The following THNSL1 variants were observed in gnomAD, a reference collection of about 807,000 sequenced individuals.
THNSL1 encodes the protein threonine synthase-like 1.
THNSL1 carries 48 observed loss-of-function variants against 50.4 expected under a neutral mutation model. The observed-to-expected ratio is 0.95, with a 90% CI of 0.76 to 1.21. The LOEUF (loss-of-function observed/expected upper bound fraction) is 1.21, where lower values mean the gene tolerates loss of function less well. THNSL1 is among the 50% of genes most tolerant of loss of function. The pLI is 0.00. For synonymous variants in THNSL1, 309 were observed against 306.1 expected (o/e 1.01, Z -0.10); for missense variants, 896 against 871.7 (o/e 1.03, Z -0.35).
At chr10:24,955,496 C>T in the THNSL1 span, among the ~76,000 whole-genome samples, 1 of 152,144 alleles carries the variant, frequency 6.6e-6, no homozygotes, top group Admixed American at 6.5e-5. Flanking sequence ...TTCTCTACTG[C>T]ATATGATGAT....
At chr10:24,952,451 A>C in the THNSL1 span, 10 of 1,473,970 alleles carry the variant, frequency 6.8e-6, no homozygotes, top group South Asian at 1.2e-5. The surrounding 1 kb of genome is among the most constrained non-coding windows in gnomAD (Gnocchi z 5.1). Context: ...GACGCACGGC[A>C]AGCATTTAAT....
chr10:24,994,450 T>C, the THNSL1 span, among the ~76,000 whole-genome samples: 1 of 151,554 alleles, frequency 6.6e-6, no homozygotes, highest in African/African-American at 2.4e-5. Context: ...TCTCGTGCCT[T>C]AGCCACCCGA....
the THNSL1 span, chr10:24,990,632 A>G: frequency 6.3e-7 from 1 of 1,586,202 alleles, no homozygotes; most frequent in South Asian, 1.2e-5. Flanking sequence ...TGCAGAAAAA[A>G]GTAATCAATA....
the THNSL1 span, among the ~76,000 whole-genome samples, chr10:24,954,542 ATCT>A: frequency 7.2e-5 from 11 of 152,120 alleles, no homozygotes; most frequent in Non-Finnish European, 1.3e-4. Context: ...TGGTAGATAA[ATCT>A]TCTTCCCTTA....
chr10:25,016,356 G>GT (rs2132732421), upstream of THNSL1, among the ~76,000 whole-genome samples: 1 of 152,336 alleles, frequency 6.6e-6, no homozygotes, highest in African/African-American at 2.4e-5. Context: ...CTATTTCTGT[G>GT]TATCTGGGGA....
the THNSL1 span, among the ~76,000 whole-genome samples, chr10:25,010,406 T>C: frequency 1.3e-5 from 2 of 152,136 alleles, no homozygotes; most frequent in African/African-American, 2.4e-5. Flanking sequence ...CAGTTTTATG[T>C]ATTCACAAAG....
Position 25,025,569 on chromosome 10 carries a change from T to G in THNSL1, c.*114T>G, listed in dbSNP as rs1850834114. 4 of 1,053,954 alleles carry G rather than the reference T, an allele frequency of 3.8e-6. No individual in the cohort carries two copies. In the South Asian group the frequency reaches 6.9e-5, roughly 18 times the overall value. 65.3% of individuals were successfully genotyped at this position (1,053,954 alleles called of 1,614,324 possible). ...TTTATGTAAATATCTCTATATCTGT[T>G]TGGAATTTCAAAAGTCTGATCTCTA... On this transcript the variant is annotated 3_prime_UTR_variant, in exon 3 of 3. Coordinates refer to ENST00000376356, the MANE Select transcript of THNSL1 (RefSeq NM_024838.5).
the THNSL1 span, among the ~76,000 whole-genome samples, chr10:24,994,268 C>A: frequency 2.7e-5 from 4 of 149,796 alleles, no homozygotes; most frequent in South Asian, 2.1e-4. Context: ...TCCTTCCTTC[C>A]TTTCCTTTCT....
the THNSL1 span, chr10:24,982,684 T>C: frequency 1.1e-3 from 167 of 152,066 alleles, no homozygotes; most frequent in African/African-American, 3.9e-3. Flanking sequence ...TTGGGGGAGG[T>C]TGAACTGGCT....
At chr10:25,004,901 G>A in the THNSL1 span, among the ~76,000 whole-genome samples, 1 of 152,048 alleles carries the variant, frequency 6.6e-6, no homozygotes, top group African/African-American at 2.4e-5. Context: ...TGGGTTTTAC[G>A]TTTAAGTCTT....
At chr10:24,955,586 T>G in the THNSL1 span, among the ~76,000 whole-genome samples, 4 of 152,210 alleles carry the variant, frequency 2.6e-5, no homozygotes, top group Non-Finnish European at 5.9e-5. Flanking sequence ...CCTGACATGC[T>G]GTAAAAATGT....
At chr10:24,974,281 A>T in the THNSL1 span, among the ~76,000 whole-genome samples, 1 of 139,174 alleles carries the variant, frequency 7.2e-6, no homozygotes, top group Non-Finnish European at 1.5e-5. Flanking sequence ...GTGATTTTTA[A>T]AAAAAAATCT....
chr10:24,954,232 G>A, the THNSL1 span, among the ~76,000 whole-genome samples: 1 of 152,184 alleles, frequency 6.6e-6, no homozygotes, highest in African/African-American at 2.4e-5. Flanking sequence ...CTCCTGGGGA[G>A]CTGGTTAATG....
intron 2 of THNSL1, 58 bp from the exon 3 acceptor site, chr10:25,023,118 T>A: frequency 9.3e-7 from 1 of 1,079,966 alleles, no homozygotes; most frequent in Non-Finnish European, 1.3e-6. Flanking sequence ...AACAATCTAC[T>A]GTAATTAGTA....
the THNSL1 span, among the ~76,000 whole-genome samples, chr10:24,973,082 GC>G: frequency 1.3e-5 from 2 of 152,088 alleles, no homozygotes; most frequent in African/African-American, 2.4e-5. Flanking sequence ...TTCATTCTTA[GC>G]ATAGATCTTA....
intron 1 of THNSL1, among the ~76,000 whole-genome samples, chr10:25,018,157 TG>T (rs1850646578): frequency 1.3e-5 from 2 of 152,228 alleles, no homozygotes; most frequent in Non-Finnish European, 2.9e-5. Flanking sequence ...GACCTCACTG[TG>T]GTATAGTTAG....
chr10:25,019,094 G>A (rs1258621125), intron 1 of THNSL1, among the ~76,000 whole-genome samples: 1 of 152,124 alleles, frequency 6.6e-6, no homozygotes, highest in East Asian at 1.9e-4. Flanking sequence ...CCTCCTTTTG[G>A]CTAGTTTGTG....
At chr10:25,001,862 T>C in the THNSL1 span, among the ~76,000 whole-genome samples, 2 of 152,188 alleles carry the variant, frequency 1.3e-5, no homozygotes, top group African/African-American at 2.4e-5. Flanking sequence ...TACTATGTTT[T>C]CTCTTGGTTA....
the THNSL1 span, among the ~76,000 whole-genome samples, chr10:25,011,056 C>T: frequency 6.7e-6 from 1 of 149,196 alleles, no homozygotes; most frequent in Non-Finnish European, 1.5e-5. Flanking sequence ...TTTACAGTCC[C>T]ACCAACAGTG....
Sources: allele counts gnomAD v4.1 joint callset (sites outside exome capture counted in the v4.1 genomes callset), GRCh38; gene constraint gnomAD v4.1.1; non-coding constraint Gnocchi (gnomAD v3.1); transcripts MANE v1.5; gene names NCBI Gene and HGNC (gene_info 2026-07-23, HGNC 2026-07-21).